The following CCDC178 variants were observed in gnomAD, a reference collection of about 807,000 sequenced individuals.
CCDC178 encodes the protein coiled-coil domain containing 178.
Under a neutral mutation model 117.4 loss-of-function variants are expected in CCDC178, and 126 were observed. The observed-to-expected ratio is 1.07, with a 90% confidence interval of 0.93 to 1.24. CCDC178 has a LOEUF of 1.24. CCDC178 is among the 50% of genes most tolerant of loss of function. CCDC178 has a pLI of 0.00. For missense variants in CCDC178, 1,030 were observed against 986.9 expected (o/e 1.04, Z -0.59); for synonymous variants, 283 against 313.4 (o/e 0.90, Z 1.02).
intron 5 of CCDC178, among the ~76,000 whole-genome samples, chr18:33,386,088 G>T (rs1052395488): frequency 1.3e-5 from 2 of 151,982 alleles, no homozygotes; most frequent in Admixed American, 1.3e-4. Context: ...CAAATAAACT[G>T]GAAAATCTAC....
intron 21 of CCDC178, among the ~76,000 whole-genome samples, chr18:33,003,042 C>T (rs1165675879): frequency 6.6e-6 from 1 of 152,080 alleles, no homozygotes; most frequent in Non-Finnish European, 1.5e-5. Context: ...TAAAAAGTCT[C>T]CCAGCAAAGA....
chr18:33,054,475 C>T (rs758661578), intron 21 of CCDC178, among the ~76,000 whole-genome samples: 11 of 152,134 alleles, frequency 7.2e-5, no homozygotes, highest in South Asian at 2.1e-4. Context: ...CATGTGTCCA[C>T]GTATTCTCAT....
At chr18:33,346,139 AT>A (rs1669576492) in intron 9 of CCDC178, 71 bp downstream of exon 9, 4 of 1,196,264 alleles carry the variant, frequency 3.3e-6, no homozygotes, top group Non-Finnish European at 3.5e-6. Flanking sequence ...TTTTTTAAAA[AT>A]ATACAGACCT....
chr18:33,197,226 A>T (rs1006344156), intron 20 of CCDC178, among the ~76,000 whole-genome samples: 3 of 152,038 alleles, frequency 2.0e-5, no homozygotes, highest in African/African-American at 7.2e-5. Flanking sequence ...CTGAGGGTTC[A>T]CTATGTTGCT....
chr18:33,438,865 T>C (rs975250034), intron 2 of CCDC178, among the ~76,000 whole-genome samples: 2 of 152,260 alleles, frequency 1.3e-5, no homozygotes, highest in Non-Finnish European at 2.9e-5. Flanking sequence ...ATATTCTCAT[T>C]AACCTCATTA....
At chr18:33,016,466 C>G (rs2055992187) in intron 21 of CCDC178, among the ~76,000 whole-genome samples, 1 of 151,832 alleles carries the variant, frequency 6.6e-6, no homozygotes, top group Non-Finnish European at 1.5e-5. Flanking sequence ...GGTATCTACA[C>G]AGATAGATAT....
intron 21 of CCDC178, among the ~76,000 whole-genome samples, chr18:33,082,694 T>A (rs2057316536): frequency 6.6e-6 from 1 of 152,030 alleles, no homozygotes; most frequent in Admixed American, 6.6e-5. Flanking sequence ...CTGCATGTTG[T>A]GCACATGTAC....
intron 22 of CCDC178, among the ~76,000 whole-genome samples, chr18:32,972,161 TTAA>T (rs922216190): frequency 2.6e-5 from 4 of 152,154 alleles, no homozygotes; most frequent in African/African-American, 9.7e-5. Flanking sequence ...GGTTCTACAT[TTAA>T]ATTTTCAATC....
intron 4 of CCDC178, among the ~76,000 whole-genome samples, chr18:33,392,163 C>A (rs753882058): frequency 6.6e-6 from 1 of 151,978 alleles, no homozygotes; most frequent in South Asian, 2.1e-4. Flanking sequence ...CCATGCCTGG[C>A]CAGAAATAAA....
At chr18:33,307,541 C>T (rs2062272675) in intron 11 of CCDC178, among the ~76,000 whole-genome samples, 2 of 152,174 alleles carry the variant, frequency 1.3e-5, no homozygotes, top group South Asian at 2.1e-4. Context: ...TGACAGAACA[C>T]AAAACCCTAT....
At chr18:33,414,171 A>G (rs1447490138) in intron 2 of CCDC178, among the ~76,000 whole-genome samples, 6 of 152,340 alleles carry the variant, frequency 3.9e-5, no homozygotes, top group African/African-American at 1.4e-4. Flanking sequence ...AAATGTCAAA[A>G]CTAAAAATAA....
chr18:33,108,215 T>C (rs2057733836), intron 20 of CCDC178, among the ~76,000 whole-genome samples: 1 of 151,686 alleles, frequency 6.6e-6, no homozygotes, highest in Non-Finnish European at 1.5e-5. Flanking sequence ...GTGTTTATGC[T>C]TTCAAACATA....
intron 21 of CCDC178, among the ~76,000 whole-genome samples, chr18:33,040,882 G>C (rs1240273856): frequency 6.6e-6 from 1 of 151,948 alleles, no homozygotes; most frequent in African/African-American, 2.4e-5. Context: ...ATTTTGCAAA[G>C]AGAATAGTAG....
chr18:33,304,872 T>A (rs951463788), intron 11 of CCDC178, among the ~76,000 whole-genome samples: 1 of 152,216 alleles, frequency 6.6e-6, no homozygotes, highest in Non-Finnish European at 1.5e-5. Flanking sequence ...GCGCTCAAGT[T>A]CAGGGAAGTT....
At chr18:33,407,768 C>G (rs1023484629) in intron 3 of CCDC178, among the ~76,000 whole-genome samples, 1 of 151,820 alleles carries the variant, frequency 6.6e-6, no homozygotes, top group Admixed American at 6.6e-5. Context: ...TTGAGTAGTA[C>G]TAAGGCCAAT....
intron 20 of CCDC178, among the ~76,000 whole-genome samples, chr18:33,153,313 C>T (rs930191119): frequency 1.3e-5 from 2 of 151,496 alleles, no homozygotes; most frequent in African/African-American, 2.4e-5. Context: ...GCAGAGGGCT[C>T]CTGATCTTGG....
intron 15 of CCDC178, among the ~76,000 whole-genome samples, chr18:33,241,472 A>G (rs569016451): frequency 4.7e-5 from 7 of 150,254 alleles, no homozygotes; most frequent in Admixed American, 1.3e-4. Context: ...GTGTGTGTAG[A>G]GAGAGACTCT....
At chr18:33,394,347 A>C (rs746861607) in intron 4 of CCDC178, among the ~76,000 whole-genome samples, 15 of 152,012 alleles carry the variant, frequency 9.9e-5, no homozygotes, top group Admixed American at 2.0e-4. Context: ...ACACATGAGT[A>C]AAATGTGGCC....
chr18:33,050,055 T>A (rs898392110), intron 21 of CCDC178, among the ~76,000 whole-genome samples: 2 of 152,122 alleles, frequency 1.3e-5, no homozygotes, highest in African/African-American at 2.4e-5. Flanking sequence ...CACTCCAGCC[T>A]GGGTGACAGA....
Sources: gnomAD v4.1 joint callset for allele counts (sites outside exome capture counted in the v4.1 genomes callset) on GRCh38, gnomAD v4.1.1 for gene constraint, MANE v1.5 for transcripts, NCBI Gene and HGNC (gene_info 2026-07-23, HGNC 2026-07-21) for gene names.